NR6A1: variants seen among roughly 807,000 people sequenced by gnomAD.
NR6A1 encodes nuclear receptor subfamily 6 group A member 1.
Under a neutral mutation model 59.1 loss-of-function variants are expected in NR6A1, and 7 were observed. The ratio of observed to expected loss-of-function variants is 0.12; its 90% CI spans 0.07 to 0.22. The LOEUF is 0.22. Among genes scored for constraint, NR6A1 ranks in the 10% least tolerant of loss-of-function variants. NR6A1 has a pLI of 1.00. For synonymous variants in NR6A1, 243 were observed against 236.1 expected, an observed-to-expected ratio of 1.03 and a Z score of -0.27; for missense variants, 468 against 611.6, an observed-to-expected ratio of 0.77 and a Z score of 2.48.
intron 2 of NR6A1, among the ~76,000 whole-genome samples, chr9:124,568,593 A>G (rs1355628389): frequency 6.6e-6 from 1 of 151,926 alleles, no homozygotes; most frequent in Non-Finnish European, 1.5e-5. Flanking sequence ...AAAGTAAGAC[A>G]AGTTAAACAT....
intron 2 of NR6A1, among the ~76,000 whole-genome samples, chr9:124,671,414 G>A (rs1564229144): frequency 6.6e-6 from 1 of 152,048 alleles, no homozygotes; most frequent in Non-Finnish European, 1.5e-5. Context: ...GGCACCATAA[G>A]GTTTCACACG....
At chr9:124,527,035 A>T (rs1832957986) in intron 7 of NR6A1, 135 bp from the exon 8 acceptor site, 3 of 1,047,950 alleles carry the variant, frequency 2.9e-6, no homozygotes, top group Non-Finnish European at 4.2e-6. Flanking sequence ...CTTGGGAAGT[A>T]CAGGCAGATC....
chr9:124,540,023 T>C lies in NR6A1; in HGVS notation c.596+10A>G, dbSNP rs891808778. The stretch of plus-strand genomic sequence containing the variant: ...CTAGATGATGACCATGGGTTTGCCT[T>C]AAAGCTCACCTGGAAGACAGTGTGG... On this transcript the variant is annotated intron_variant, in intron 5 of 9. Coordinates refer to ENST00000487099, the MANE Select transcript of NR6A1 (RefSeq NM_033334.4). 1.9e-6 allele frequency: 3 copies of C among 1,577,356 alleles called. No individual in the cohort carries two copies. Among genetic ancestry groups the C allele is most frequent in the East Asian group, 2.7e-5 (1 of 37,030 alleles).
intron 2 of NR6A1, among the ~76,000 whole-genome samples, chr9:124,624,100 G>A (rs1481789613): frequency 4.6e-5 from 7 of 152,078 alleles, no homozygotes; most frequent in African/African-American, 1.2e-4. Flanking sequence ...CAGGAATGTC[G>A]GAGTACTACA....
chr9:124,654,912 A>ACACACACC (rs758199833), intron 2 of NR6A1, among the ~76,000 whole-genome samples: 3 of 143,368 alleles, frequency 2.1e-5, no homozygotes, highest in Non-Finnish European at 3.1e-5. Context: ...ACACACACAC[A>ACACACACC]CCTGCCAAAC....
At chr9:124,661,497 C>T (rs1385939231) in intron 2 of NR6A1, among the ~76,000 whole-genome samples, 1 of 152,064 alleles carries the variant, frequency 6.6e-6, no homozygotes, top group African/African-American at 2.4e-5. Flanking sequence ...AACACAAGTT[C>T]GAAATGATAT....
chr9:124,588,334 G>T (rs1834994049), intron 2 of NR6A1, among the ~76,000 whole-genome samples: 1 of 151,888 alleles, frequency 6.6e-6, no homozygotes, highest in South Asian at 2.1e-4. Flanking sequence ...TCATGATGGA[G>T]TCTCACTCTG....
chr9:124,666,638 T>C (rs1837630862), intron 2 of NR6A1, among the ~76,000 whole-genome samples: 1 of 152,240 alleles, frequency 6.6e-6, no homozygotes, highest in South Asian at 2.1e-4. Flanking sequence ...TATAATCCTC[T>C]ATTACTAGAA....
intron 2 of NR6A1, 108 bp downstream of exon 2, chr9:124,733,200 A>G: frequency 2.6e-6 from 2 of 783,414 alleles, no homozygotes; most frequent in Non-Finnish European, 4.4e-6. Context: ...ATAAAATCTG[A>G]GAGTCAATAA....
rs188500619 is a variant in NR6A1, at chr9:124,568,985, C to T, written c.143-14415G>A. 3.2e-4 allele frequency among the ~76,000 whole-genome samples: 49 copies of T among 151,776 alleles called. No individual in the cohort carries two copies. In the East Asian group the frequency reaches 7.9e-3, roughly 25 times the overall value. On this transcript the variant is annotated intron_variant, in intron 2 of 9. Coordinates refer to ENST00000487099, the MANE Select transcript of NR6A1 (RefSeq NM_033334.4). The stretch of plus-strand genomic sequence containing the variant: ...AAAATTAGCCAGGCATGGTGGCGGG[C>T]GCCTGTAGTCCCAGCTACTCAGGAG...
intron 2 of NR6A1, among the ~76,000 whole-genome samples, chr9:124,632,528 ATTTG>A (rs1836477167): frequency 6.6e-6 from 1 of 152,038 alleles, no homozygotes; most frequent in Non-Finnish European, 1.5e-5. Flanking sequence ...TTTCTTGTAA[ATTTG>A]TTTAAGTTCT....
intron 1 of NR6A1, among the ~76,000 whole-genome samples, chr9:124,737,319 G>A (rs1719271838): frequency 6.6e-6 from 1 of 152,156 alleles, no homozygotes; most frequent in Non-Finnish European, 1.5e-5. Flanking sequence ...CAGGAGCCTT[G>A]AAGATATATG....
At chr9:124,674,837 G>C (rs1404968629) in intron 2 of NR6A1, among the ~76,000 whole-genome samples, 1 of 152,162 alleles carries the variant, frequency 6.6e-6, no homozygotes, top group Non-Finnish European at 1.5e-5. Context: ...CAGGTATGAA[G>C]GAAATGTATT....
rs766667673 is a variant in NR6A1, at chr9:124,733,262, A to G, written c.142+46T>C. ...GTTATTCACTTAAAAGTGTACACAC[A>G]CATCCTTTTCTTACCAAAGAATATT... On this transcript the variant is annotated intron_variant, in intron 2 of 9. Coordinates refer to ENST00000487099, the MANE Select transcript of NR6A1 (RefSeq NM_033334.4). The G allele has an allele frequency of 2.1e-5, 30 of 1,408,642 alleles. 1 individual carries two copies. The Middle Eastern group carries it at 8.8e-4, about 41-fold the overall frequency. 87.3% of individuals were successfully genotyped at this position (1,408,642 alleles called of 1,614,324 possible).
At position 124,654,875 on chromosome 9, in the gene NR6A1, TACACACACAC is replaced by T. The variant is rs3983841; in HGVS notation, c.142+78423_142+78432del. Among the ~76,000 whole-genome samples the T allele has an allele frequency of 5.0e-3, 614 of 123,912 alleles. 4 individuals are homozygous for T. Among genetic ancestry groups the T allele is most frequent in the African/African-American group, 0.016 (526 of 32,044 alleles). The allele number at this position is 123,912 out of a possible 152,430, so 81.3% of individuals were successfully genotyped here. A position where few individuals can be genotyped will look rare whatever the true frequency, so the allele number is the denominator to read the frequency against. On this transcript the variant is annotated intron_variant, in intron 2 of 9. Transcript: ENST00000487099. ...TTTATACATACATTTTTTTTTTTTG[TACACACACAC>T]ACACACACACACACACACACACACA...
intron 2 of NR6A1, among the ~76,000 whole-genome samples, chr9:124,633,915 C>A (rs1471793230): frequency 6.6e-6 from 1 of 152,102 alleles, no homozygotes; most frequent in African/African-American, 2.4e-5. Context: ...CAGCCATATA[C>A]AATTTAAGAA....
In NR6A1 at chr9:124,527,005, G is replaced by A. The variant is rs559714383; in HGVS notation, c.1080-105C>T. The A allele has an allele frequency of 2.0e-5, 28 of 1,403,142 alleles. No individual in the cohort carries two copies. In the East Asian group the frequency reaches 4.5e-4, roughly 22 times the overall value. 86.9% of individuals were successfully genotyped at this position (1,403,142 alleles called of 1,614,324 possible). ...GCTCCTTAAACAGGCTGAGCTTGGG[G>A]GAAATGGGATCCAAAGCCACTTGGG... On this transcript the variant is annotated intron_variant, in intron 7 of 9. Coordinates refer to ENST00000487099, the MANE Select transcript of NR6A1 (RefSeq NM_033334.4).
intron 9 of NR6A1, 94 bp from the exon 10 acceptor site, chr9:124,522,887 T>C: frequency 2.1e-5 from 19 of 925,064 alleles, no homozygotes; most frequent in Non-Finnish European, 3.0e-5. Flanking sequence ...GAGTATCACC[T>C]TGCTGAGTGA....
In NR6A1 at chr9:124,538,026, G is replaced by T. The variant is rs191134634; in HGVS notation, c.824+66C>A. 16 of 1,341,410 alleles carry T rather than the reference G, an allele frequency of 1.2e-5. No individual in the cohort carries two copies. The Admixed American group carries it at 3.3e-4, about 28-fold the overall frequency. 83.1% of individuals were successfully genotyped at this position (1,341,410 alleles called of 1,614,324 possible). Reference sequence around the variant, plus strand: ...AGCCACGGGTATAGGAGCCAGGGACGCGAGTGGGTGTGGGGTAGGGACACT... The same window carrying T: ...AGCCACGGGTATAGGAGCCAGGGACTCGAGTGGGTGTGGGGTAGGGACACT... On this transcript the variant is annotated intron_variant, in intron 6 of 9. Transcript: ENST00000487099.
Sources: gnomAD v4.1 joint callset for allele counts (sites outside exome capture counted in the v4.1 genomes callset) on GRCh38, gnomAD v4.1.1 for gene constraint, MANE v1.5 for transcripts, NCBI Gene and HGNC (gene_info 2026-07-23, HGNC 2026-07-21) for gene names.